The following PRKAR1B variants were observed in gnomAD, a reference collection of about 807,000 sequenced individuals.
PRKAR1B encodes cAMP-dependent protein kinase type I-beta regulatory subunit.
A neutral mutation model predicts 46.5 loss-of-function variants in PRKAR1B; 22 were observed. The observed-to-expected ratio is 0.47, with a 90% CI of 0.34 to 0.68. The LOEUF is 0.68. Among genes scored for constraint, PRKAR1B ranks in the 30% least tolerant of loss-of-function variants. The probability of loss-of-function intolerance (pLI) is 0.01; values close to 1 mark genes in which losing one functional copy is unlikely to be tolerated. For missense variants in PRKAR1B, 445 were observed against 535.6 expected, an observed-to-expected ratio of 0.83 and a Z score of 1.67; for synonymous variants, 259 against 217.7, an observed-to-expected ratio of 1.19 and a Z score of -1.67.
chr7:584,707 C>T (rs9330367), intron 7 of PRKAR1B, 139 bp from the exon 8 acceptor site: 431,309 of 724,222 alleles, frequency 0.6, 133,110 homozygotes, highest in East Asian at 0.81. Context: ...AAGCCCTCGA[C>T]GACTCGGAGT....
At chr7:592,165 G>A (rs1225303642) in intron 7 of PRKAR1B, among the ~76,000 whole-genome samples, 1 of 152,188 alleles carries the variant, frequency 6.6e-6, no homozygotes, top group Non-Finnish European at 1.5e-5. Context: ...GTGACCCTCA[G>A]CACATCACGG....
At position 552,579 on chromosome 7, in the gene PRKAR1B, G is replaced by A. The variant is rs932125274; in HGVS notation, c.892-1109C>T. On this transcript the variant is annotated intron_variant, in intron 9 of 10. Coordinates refer to ENST00000537384, the MANE Select transcript of PRKAR1B (RefSeq NM_001164760.2). Reference sequence around the variant, plus strand: ...CCCGTTCCCGGCACCTGTGACCAGGGCATCTGAGCACCGCGGGACCTGCCC... The same window carrying A: ...CCCGTTCCCGGCACCTGTGACCAGGACATCTGAGCACCGCGGGACCTGCCC... 1.9e-4 allele frequency among the ~76,000 whole-genome samples: 29 copies of A among 152,338 alleles called. No individual in the cohort carries two copies. In the East Asian group the frequency reaches 1.9e-3, roughly 10 times the overall value.
chr7:713,476 C>A (rs528762559), intron 1 of PRKAR1B, among the ~76,000 whole-genome samples: 121 of 151,498 alleles, frequency 8.0e-4, no homozygotes, highest in Admixed American at 2.2e-3. Flanking sequence ...CACCATCTCC[C>A]ACTCACCCGT....
chr7:628,994 A>G (rs1033201871), intron 4 of PRKAR1B, among the ~76,000 whole-genome samples: 4 of 151,822 alleles, frequency 2.6e-5, no homozygotes, highest in Admixed American at 2.0e-4. Flanking sequence ...AGCCCGTGCC[A>G]CTCCGCCACC....
chr7:551,551 G>T, intron 9 of PRKAR1B, 81 bp from the exon 10 acceptor site: 1 of 1,386,198 alleles, frequency 7.2e-7, no homozygotes, highest in Non-Finnish European at 9.9e-7. Flanking sequence ...CCCCACAGGG[G>T]GTCACCACCC....
chr7:579,190 G>A, intron 9 of PRKAR1B, 66 bp downstream of exon 9: 1 of 1,611,320 alleles, frequency 6.2e-7, no homozygotes, highest in Admixed American at 1.7e-5. Flanking sequence ...AGTGGAAGAG[G>A]AGAAGGTAAG....
intron 4 of PRKAR1B, among the ~76,000 whole-genome samples, chr7:615,517 AAAGGAAAGAAAGAGAGAGAGAAAG>A (rs1443827442): frequency 6.6e-6 from 1 of 150,980 alleles, no homozygotes; most frequent in Non-Finnish European, 1.5e-5. Context: ...AAAAAGGAAG[AAAGGAAAGAAAGAGAGAGAGAAAG>A]AAGGAAAGAA....
At chr7:687,696 G>A (rs548972118) in intron 2 of PRKAR1B, among the ~76,000 whole-genome samples, 8 of 152,130 alleles carry the variant, frequency 5.3e-5, no homozygotes, top group Non-Finnish European at 7.4e-5. Flanking sequence ...AAGACATCAG[G>A]CCACAGATTC....
In PRKAR1B at chr7:680,553, C is replaced by T. The variant is rs1295650705; in HGVS notation, c.348+3G>A. On this transcript the variant is annotated splice_donor_region_variant and intron_variant, in intron 3 of 10. Transcript: ENST00000537384. Reference sequence around the variant, plus strand: ...CAGGAACCCCGTGACCCGTGAGCCTCACCTTCCTGACGTAGGACACGGCGT... The same window carrying T: ...CAGGAACCCCGTGACCCGTGAGCCTTACCTTCCTGACGTAGGACACGGCGT... The T allele has an allele frequency of 6.2e-7, 1 of 1,607,716 alleles. No homozygotes were observed.
At chr7:616,931 A>G (rs1414237609) in intron 4 of PRKAR1B, among the ~76,000 whole-genome samples, 4 of 152,004 alleles carry the variant, frequency 2.6e-5, no homozygotes, top group Non-Finnish European at 5.9e-5. Context: ...TAATTTAAAC[A>G]ACAAGGAAAG....
intron 4 of PRKAR1B, among the ~76,000 whole-genome samples, chr7:614,795 C>T (rs1193745930): frequency 6.6e-6 from 1 of 152,236 alleles, no homozygotes; most frequent in Non-Finnish European, 1.5e-5. Context: ...ACCTGTAATC[C>T]CAGCTACTTG....
intron 9 of PRKAR1B, among the ~76,000 whole-genome samples, chr7:569,335 T>A (rs944190871): frequency 1.6e-4 from 24 of 152,166 alleles, no homozygotes; most frequent in Admixed American, 1.2e-3. Flanking sequence ...CGAAACTCAC[T>A]TACGCTGAAA....
chr7:689,781 G>A (rs1338509668), intron 2 of PRKAR1B, among the ~76,000 whole-genome samples: 2 of 151,792 alleles, frequency 1.3e-5, no homozygotes, highest in African/African-American at 4.8e-5. Flanking sequence ...CCAGGTTCAC[G>A]CCATTCTCCT....
chr7:594,969 G>A (rs1233956451), intron 7 of PRKAR1B, among the ~76,000 whole-genome samples: 1 of 152,228 alleles, frequency 6.6e-6, no homozygotes, highest in Non-Finnish European at 1.5e-5. Context: ...GCCGCACGGG[G>A]TGCTGTCTAC....
chr7:625,818 C>A (rs901248168), intron 4 of PRKAR1B, among the ~76,000 whole-genome samples: 15 of 152,060 alleles, frequency 9.9e-5, no homozygotes, highest in Admixed American at 5.9e-4. Flanking sequence ...CCAACCTGGC[C>A]AAGATGGTGA....
chr7:611,721 G>A (rs147129887), intron 4 of PRKAR1B, among the ~76,000 whole-genome samples: 1 of 152,216 alleles, frequency 6.6e-6, no homozygotes, highest in East Asian at 1.9e-4. Flanking sequence ...TGGATGAACG[G>A]ATGAGTGAAT....
intron 4 of PRKAR1B, among the ~76,000 whole-genome samples, chr7:650,437 T>G (rs543476484): frequency 9.1e-4 from 126 of 138,596 alleles, no homozygotes; most frequent in African/African-American, 3.3e-3. Flanking sequence ...TTTCCAGCCC[T>G]CCAGCCTTCA....
chr7:727,835 C>T (rs1264545478), upstream of PRKAR1B, among the ~76,000 whole-genome samples: 1 of 150,088 alleles, frequency 6.7e-6, no homozygotes, highest in Non-Finnish European at 1.5e-5. Context: ...CTCCACCCCA[C>T]CCGGGCCCAC....
chr7:682,761 T>C (rs1778764748), intron 2 of PRKAR1B, among the ~76,000 whole-genome samples: 1 of 151,432 alleles, frequency 6.6e-6, no homozygotes, highest in Non-Finnish European at 1.5e-5. Context: ...AAAAAAATTG[T>C]TTTAAGGAAA....
Sources: allele counts gnomAD v4.1 joint callset (sites outside exome capture counted in the v4.1 genomes callset), GRCh38; gene constraint gnomAD v4.1.1; transcripts MANE v1.5; gene names NCBI Gene and HGNC (gene_info 2026-07-23, HGNC 2026-07-21).